KIAA0825: variants seen among roughly 807,000 people sequenced by gnomAD.
KIAA0825 encodes uncharacterized protein KIAA0825.
KIAA0825 carries 119 observed loss-of-function variants against 147.6 expected under a neutral mutation model. That is an observed-to-expected ratio of 0.81 (90% CI 0.69 to 0.94). The LOEUF (loss-of-function observed/expected upper bound fraction) is 0.94, where lower values mean the gene tolerates loss of function less well. Ranked by LOEUF, KIAA0825 falls within the 40% of genes least tolerant of loss-of-function variation. The pLI, the probability that KIAA0825 is intolerant of heterozygous loss-of-function variation, is 0.00. For missense variants in KIAA0825, 1,381 were observed against 1,472.7 expected (o/e 0.94, Z 1.02); for synonymous variants, 470 against 518.1 (o/e 0.91, Z 1.26).
chr5:94,268,557 C>G (rs771337079), intron 20 of KIAA0825, among the ~76,000 whole-genome samples: 5 of 152,068 alleles, frequency 3.3e-5, no homozygotes, highest in African/African-American at 4.8e-5. Context: ...TCTTTTTGAG[C>G]AAAGGCAGTG....
intron 5 of KIAA0825, among the ~76,000 whole-genome samples, chr5:94,502,936 C>G (rs776616760): frequency 1.1e-4 from 16 of 151,738 alleles, no homozygotes; most frequent in Admixed American, 2.0e-4. Flanking sequence ...TGGTGAAATC[C>G]CATCTCCACT....
intron 14 of KIAA0825, among the ~76,000 whole-genome samples, chr5:94,423,229 G>A (rs1754426632): frequency 6.6e-6 from 1 of 152,070 alleles, no homozygotes; most frequent in Admixed American, 6.6e-5. Context: ...AAGCAGTATT[G>A]GCAAGCCACA....
chr5:94,556,504 G>C (rs1004748290), intron 2 of KIAA0825, among the ~76,000 whole-genome samples: 1 of 152,178 alleles, frequency 6.6e-6, no homozygotes, highest in Non-Finnish European at 1.5e-5. Context: ...TAAGTTCCAA[G>C]AGTTTAAAAA....
At chr5:94,217,717 T>A (rs1773325128) in intron 20 of KIAA0825, among the ~76,000 whole-genome samples, 3 of 152,102 alleles carry the variant, frequency 2.0e-5, no homozygotes, top group South Asian at 2.1e-4. Context: ...AGTGTTTTTT[T>A]AAAAAGGGAC....
intron 6 of KIAA0825, among the ~76,000 whole-genome samples, chr5:94,479,170 A>G (rs562434560): frequency 8.9e-4 from 136 of 152,280 alleles, no homozygotes; most frequent in African/African-American, 3.1e-3. Flanking sequence ...TGCCAAATGT[A>G]TAATGTCATG....
At chr5:94,468,692 T>C (rs138370629) in intron 10 of KIAA0825, among the ~76,000 whole-genome samples, 143 of 152,284 alleles carry the variant, frequency 9.4e-4, no homozygotes, top group African/African-American at 3.2e-3. Context: ...CTCTCTGTTG[T>C]AGCAACATTT....
chr5:94,297,744 T>C (rs1778201806), intron 20 of KIAA0825, among the ~76,000 whole-genome samples: 1 of 151,756 alleles, frequency 6.6e-6, no homozygotes, highest in African/African-American at 2.4e-5. Flanking sequence ...TACAGGCACC[T>C]GTCACCACAC....
At chr5:94,525,069 T>C (rs1769012138) in intron 3 of KIAA0825, among the ~76,000 whole-genome samples, 1 of 151,772 alleles carries the variant, frequency 6.6e-6, no homozygotes, top group African/African-American at 2.4e-5. Flanking sequence ...TATCTAAACT[T>C]CAAGAAAGCT....
At chr5:94,394,105 GC>G (rs1750304219) in intron 17 of KIAA0825, among the ~76,000 whole-genome samples, 2 of 151,968 alleles carry the variant, frequency 1.3e-5, no homozygotes, top group Non-Finnish European at 2.9e-5. Context: ...GCCTGCCTTA[GC>G]CTCCCAAAAT....
In KIAA0825 at chr5:94,396,179, A is replaced by G; in HGVS notation, c.3218T>C (p.Val1073Ala). The change falls in exon 17 of 21, where the codon GTC becomes GCC. Residue 1073 changes from valine to alanine, a missense_variant. Physicochemically the swap from Val to Ala is moderately conservative, Grantham distance 64. Transcript: ENST00000682413. ...CTTCTGCTGCTCAATGCTCTGTATG[A>G]CCTTTTGGATCATTTGATTATGGAT... The part of the protein sequence containing the change: ...TSIHNQMIQK[V>A]IQSIEQQKPN... 6.5e-7 allele frequency: 1 copy of G among 1,550,086 alleles called. No individual in the cohort carries two copies. Among genetic ancestry groups the G allele is most frequent in the South Asian group, 1.2e-5 (1 of 83,522 alleles).
chr5:94,579,316 T>C (rs1461066149), intron 2 of KIAA0825, among the ~76,000 whole-genome samples: 1 of 152,202 alleles, frequency 6.6e-6, no homozygotes, highest in African/African-American at 2.4e-5. Context: ...AGTGAGAACA[T>C]TAAAGGGTTG....
chr5:94,581,169 T>C (rs1782097868), intron 2 of KIAA0825, among the ~76,000 whole-genome samples: 1 of 151,882 alleles, frequency 6.6e-6, no homozygotes, highest in Admixed American at 6.6e-5. Flanking sequence ...TCTATAGAGG[T>C]GATAACACCA....
intron 2 of KIAA0825, among the ~76,000 whole-genome samples, chr5:94,559,114 T>C (rs1777097370): frequency 6.6e-6 from 1 of 151,952 alleles, no homozygotes; most frequent in South Asian, 2.1e-4. Flanking sequence ...TCCTCAGCCA[T>C]GAAACTAAGA....
At chr5:94,438,171 G>C (rs1756617193) in intron 14 of KIAA0825, among the ~76,000 whole-genome samples, 1 of 152,132 alleles carries the variant, frequency 6.6e-6, no homozygotes, top group African/African-American at 2.4e-5. Flanking sequence ...AGCTCTGGCT[G>C]GGTACAAAAT....
intron 20 of KIAA0825, among the ~76,000 whole-genome samples, chr5:94,208,949 C>G (rs1772453250): frequency 6.6e-6 from 1 of 152,126 alleles, no homozygotes; most frequent in Non-Finnish European, 1.5e-5. Flanking sequence ...AGTTCTCAGG[C>G]CCATCCCAAA....
intron 20 of KIAA0825, among the ~76,000 whole-genome samples, chr5:94,202,161 G>C (rs1166660672): frequency 6.6e-6 from 1 of 152,212 alleles, no homozygotes; most frequent in Non-Finnish European, 1.5e-5. Context: ...CAAAGCCAAA[G>C]AATATTTGGT....
chr5:94,177,470 T>TGAGGAAGTAAATC (rs1160004166), intron 20 of KIAA0825, among the ~76,000 whole-genome samples: 2 of 152,088 alleles, frequency 1.3e-5, no homozygotes, highest in Non-Finnish European at 2.9e-5. Flanking sequence ...GATCTAAAAA[T>TGAGGAAGTAAATC]TGAAATGAGG....
chr5:94,590,966 G>T (rs73132693), intron 1 of KIAA0825, among the ~76,000 whole-genome samples: 3 of 152,056 alleles, frequency 2.0e-5, no homozygotes, highest in Non-Finnish European at 4.4e-5. Flanking sequence ...GGACTAAAAA[G>T]CAAGTACACA....
rs533428296 is a variant in KIAA0825, at chr5:94,487,893, C to T, written c.971-2963G>A. ...CACCTGAGCCCGGAAAGTGGAGCTG[C>T]AGTGAGCCAAGATTGTGCCACTGCA... On this transcript the variant is annotated intron_variant, in intron 5 of 20. Coordinates refer to ENST00000682413, the MANE Select transcript of KIAA0825 (RefSeq NM_001145678.3). Among the ~76,000 whole-genome samples, 227 of 152,256 alleles carry T rather than the reference C, an allele frequency of 1.5e-3. 1 individual carries two copies. The highest frequency in any genetic ancestry group is 5.0e-3 in the African/African-American group (206 of 41,556).
Sources: gnomAD v4.1 joint callset for allele counts (sites outside exome capture counted in the v4.1 genomes callset) on GRCh38, gnomAD v4.1.1 for gene constraint, MANE v1.5 for transcripts, NCBI Gene and HGNC (gene_info 2026-07-23, HGNC 2026-07-21) for gene names.